The following OCA2 variants were observed in gnomAD, a reference collection of about 807,000 sequenced individuals.
OCA2 encodes the protein OCA2 melanosomal transmembrane protein.
In OCA2, 77 loss-of-function variants were observed where a neutral mutation model predicts 100.2. The observed-to-expected ratio is 0.77, with a 90% CI of 0.64 to 0.93. OCA2 has a LOEUF of 0.93. Among genes scored for constraint, OCA2 ranks in the 40% least tolerant of loss-of-function variants. The pLI, the probability that OCA2 is intolerant of heterozygous loss-of-function variation, is 0.00. For missense variants in OCA2, 1,062 were observed against 1,089.1 expected (o/e 0.98, Z 0.35); for synonymous variants, 432 against 439.2 (o/e 0.98, Z 0.21).
At chr15:28,009,352 A>T (rs2042173651) in intron 9 of OCA2, among the ~76,000 whole-genome samples, 1 of 152,142 alleles carries the variant, frequency 6.6e-6, no homozygotes, top group South Asian at 2.1e-4. Context: ...AAGCCCACAG[A>T]ATATTCATCA....
intron 17 of OCA2, among the ~76,000 whole-genome samples, chr15:27,954,483 C>T (rs4778213): frequency 0.046 from 6,992 of 152,236 alleles, 239 homozygotes; most frequent in South Asian, 0.13. Context: ...TGTTCTGAAG[C>T]CCTTTGAGGA....
At chr15:27,808,433 T>C (rs2033945684) in intron 23 of OCA2, among the ~76,000 whole-genome samples, 1 of 152,206 alleles carries the variant, frequency 6.6e-6, no homozygotes, top group African/African-American at 2.4e-5. Flanking sequence ...GAGGCAGGAT[T>C]CACTTTCTTA....
chr15:27,976,082 T>C (rs149131960), intron 14 of OCA2, among the ~76,000 whole-genome samples: 5 of 152,322 alleles, frequency 3.3e-5, no homozygotes, highest in East Asian at 1.9e-4. Context: ...TTGCTAAATA[T>C]AGAAAACCAT....
At chr15:27,756,328 A>C (rs972919120) in intron 23 of OCA2, among the ~76,000 whole-genome samples, 1 of 152,238 alleles carries the variant, frequency 6.6e-6, no homozygotes, top group African/African-American at 2.4e-5. Context: ...GGCTACTCAG[A>C]AAGAGCCACA....
At chr15:27,825,964 G>T (rs2034705061) in intron 23 of OCA2, among the ~76,000 whole-genome samples, 1 of 152,230 alleles carries the variant, frequency 6.6e-6, no homozygotes, top group South Asian at 2.1e-4. Context: ...GAAATAAAAT[G>T]ATTTTCAGCT....
Position 27,755,285 on chromosome 15 carries a change from A to C in OCA2, c.*103T>G. 1.2e-6 allele frequency: 1 copy of C among 810,662 alleles called. No individual in the cohort carries two copies. Among genetic ancestry groups the C allele is most frequent in the South Asian group, 1.4e-5 (1 of 70,660 alleles). The allele number at this position is 810,662 out of a possible 1,614,324, so 50.2% of individuals were successfully genotyped here. On this transcript the variant is annotated 3_prime_UTR_variant, in exon 24 of 24. Transcript: ENST00000354638. ...GTGTCTCTGTAGCATCTCCAGGGTA[A>C]GCACCTTTTCTTCTTCAAACAGTGG... is the stretch of plus-strand genomic sequence containing the variant.
the OCA2 span, among the ~76,000 whole-genome samples, chr15:27,732,060 G>A: frequency 6.6e-6 from 1 of 152,318 alleles, no homozygotes; most frequent in Non-Finnish European, 1.5e-5. Context: ...CTGCTAATGA[G>A]ACACAGGCTT....
chr15:27,926,167 GC>G lies in OCA2; in HGVS notation c.2038del (p.Ala680GlnfsTer12). ...FEIILHRVEW[A>X]TLLFFAALFV... ...GAGCGCTGCAAAAAACAGAAGGGTT[GC>G]CCATTCCACTCTGTGTAGAATTATC... On this transcript the variant is annotated frameshift_variant, in exon 19 of 24. Transcript: ENST00000354638. LOFTEE classifies it high-confidence loss of function. The G allele has an allele frequency of 1.2e-6, 2 of 1,614,080 alleles. No individual in the cohort carries two copies. Among genetic ancestry groups the G allele is most frequent in the Non-Finnish European group, 1.7e-6 (2 of 1,179,952 alleles).
chr15:27,772,863 A>G (rs1014740763), intron 23 of OCA2, among the ~76,000 whole-genome samples: 12 of 151,892 alleles, frequency 7.9e-5, no homozygotes, highest in African/African-American at 1.4e-4. Context: ...AAGGAAAAAA[A>G]GAAAATGGAG....
chr15:27,819,942 C>T (rs1358300350), intron 23 of OCA2, among the ~76,000 whole-genome samples: 1 of 152,056 alleles, frequency 6.6e-6, no homozygotes, highest in Admixed American at 6.6e-5. Context: ...GAACATATCG[C>T]AGTGCTCTAA....
intron 21 of OCA2, among the ~76,000 whole-genome samples, chr15:27,859,791 G>A (rs930294184): frequency 3.9e-5 from 6 of 152,086 alleles, no homozygotes; most frequent in African/African-American, 1.4e-4. Context: ...CAGGAAGAAA[G>A]GAACGGAAGG....
intron 23 of OCA2, among the ~76,000 whole-genome samples, chr15:27,809,350 C>A (rs1055393308): frequency 6.6e-5 from 10 of 152,176 alleles, no homozygotes; most frequent in African/African-American, 1.7e-4. Context: ...AAACCCTCAA[C>A]AAACTAGGCA....
chr15:28,025,007 T>C, intron 4 of OCA2, 105 bp from the exon 5 acceptor site: 1 of 1,020,606 alleles, frequency 9.8e-7, no homozygotes, highest in Non-Finnish European at 1.5e-6. Context: ...AAAGCATGTG[T>C]TTTGAATTCT....
intron 2 of OCA2, among the ~76,000 whole-genome samples, chr15:28,047,516 T>C (rs2043382376): frequency 6.6e-6 from 1 of 152,192 alleles, no homozygotes; most frequent in Non-Finnish European, 1.5e-5. Flanking sequence ...CTTCCCCCAC[T>C]TGTTATGTCT....
intron 19 of OCA2, among the ~76,000 whole-genome samples, chr15:27,925,787 TC>T (rs1308482710): frequency 6.6e-6 from 1 of 152,160 alleles, no homozygotes; most frequent in Non-Finnish European, 1.5e-5. Flanking sequence ...ATGAAACAGA[TC>T]ATCAAGGTCA....
At chr15:27,978,528 T>C (rs941501726) in intron 14 of OCA2, among the ~76,000 whole-genome samples, 1 of 152,220 alleles carries the variant, frequency 6.6e-6, no homozygotes, top group African/African-American at 2.4e-5. Flanking sequence ...TTTATTATGA[T>C]GAAATGTTCT....
intron 23 of OCA2, among the ~76,000 whole-genome samples, chr15:27,756,383 T>A (rs1270856943): frequency 1.3e-5 from 2 of 152,298 alleles, no homozygotes; most frequent in South Asian, 2.1e-4. Flanking sequence ...AAAAACTGAT[T>A]CCATGAGCGA....
chr15:28,092,997 A>G (rs1477141964), intron 1 of OCA2, among the ~76,000 whole-genome samples: 2 of 149,084 alleles, frequency 1.3e-5, no homozygotes, highest in Non-Finnish European at 3.0e-5. Flanking sequence ...AAAAGTAAAC[A>G]AAAAAAAAAG....
intron 23 of OCA2, among the ~76,000 whole-genome samples, chr15:27,831,474 A>T (rs1474165443): frequency 6.6e-6 from 1 of 152,136 alleles, no homozygotes; most frequent in Non-Finnish European, 1.5e-5. Flanking sequence ...CCGCGCACGT[A>T]ACCCGATTGT....
Sources: allele counts gnomAD v4.1 joint callset (sites outside exome capture counted in the v4.1 genomes callset), GRCh38; gene constraint gnomAD v4.1.1; transcripts MANE v1.5; gene names NCBI Gene and HGNC (gene_info 2026-07-23, HGNC 2026-07-21).